GNAQ: variants seen among roughly 807,000 people sequenced by gnomAD.
GNAQ encodes the protein guanine nucleotide-binding protein G(q) subunit alpha.
GNAQ carries 8 observed loss-of-function variants against 43.9 expected under a neutral mutation model. The ratio of observed to expected loss-of-function variants is 0.18; its 90% CI spans 0.11 to 0.33. GNAQ has a LOEUF of 0.33. Among genes scored for constraint, GNAQ ranks in the 10% least tolerant of loss-of-function variants. The pLI is 1.00. For missense variants in GNAQ, 158 were observed against 450.8 expected (o/e 0.35, Z 5.88); for synonymous variants, 155 against 170.7 (o/e 0.91, Z 0.71).
At chr9:77,756,633 C>T (rs1264902298) in intron 5 of GNAQ, among the ~76,000 whole-genome samples, 1 of 152,242 alleles carries the variant, frequency 6.6e-6, no homozygotes, top group African/African-American at 2.4e-5. Flanking sequence ...AGTTGCTCTA[C>T]TGAACTGGAT....
At chr9:77,841,484 G>C (rs1214337642) in intron 2 of GNAQ, among the ~76,000 whole-genome samples, 2 of 152,022 alleles carry the variant, frequency 1.3e-5, no homozygotes, top group Non-Finnish European at 2.9e-5. Context: ...ACAATAAATT[G>C]GACAAAATCA....
intron 2 of GNAQ, among the ~76,000 whole-genome samples, chr9:77,921,227 T>A (rs778365965): frequency 1.3e-5 from 2 of 152,208 alleles, no homozygotes; most frequent in Non-Finnish European, 2.9e-5. Flanking sequence ...GGCAACGAAG[T>A]CTTTTGAAGA....
intron 5 of GNAQ, among the ~76,000 whole-genome samples, chr9:77,771,522 G>C (rs770236836): frequency 5.9e-5 from 9 of 151,486 alleles, no homozygotes; most frequent in Non-Finnish European, 1.2e-4. Context: ...CACGTGCTCT[G>C]TGAGCACAGG....
At chr9:77,935,418 T>C (rs1034421020) in intron 1 of GNAQ, among the ~76,000 whole-genome samples, 3 of 152,190 alleles carry the variant, frequency 2.0e-5, no homozygotes, top group East Asian at 1.9e-4. Context: ...AGGAAATCAG[T>C]TGGGTTCTCA....
At chr9:77,757,200 C>G (rs1214793851) in intron 5 of GNAQ, among the ~76,000 whole-genome samples, 1 of 152,134 alleles carries the variant, frequency 6.6e-6, no homozygotes. Flanking sequence ...TGCTGAAAAT[C>G]TGTTATAACT....
intron 1 of GNAQ, among the ~76,000 whole-genome samples, chr9:77,954,584 T>G (rs1823020115): frequency 6.6e-6 from 1 of 152,172 alleles, no homozygotes; most frequent in Non-Finnish European, 1.5e-5. Flanking sequence ...TCCTAATTAA[T>G]TCAGATCAGC....
chr9:77,756,092 T>A (rs768134526), intron 5 of GNAQ, among the ~76,000 whole-genome samples: 2 of 152,232 alleles, frequency 1.3e-5, no homozygotes, highest in Non-Finnish European at 2.9e-5. Flanking sequence ...TCTCCTGTGC[T>A]GGATGCTTCC....
At chr9:77,993,175 G>A (rs1384390737) in intron 1 of GNAQ, among the ~76,000 whole-genome samples, 1 of 152,022 alleles carries the variant, frequency 6.6e-6, no homozygotes, top group African/African-American at 2.4e-5. Flanking sequence ...AGGCTCTAAA[G>A]GTCTAAACCA....
intron 1 of GNAQ, among the ~76,000 whole-genome samples, chr9:78,018,526 T>C (rs1026432407): frequency 6.6e-6 from 1 of 152,188 alleles, no homozygotes. Context: ...AATAACAGAA[T>C]GTGGGTTGTC....
chr9:77,876,847 T>A (rs2118048606), intron 2 of GNAQ, among the ~76,000 whole-genome samples: 1 of 152,342 alleles, frequency 6.6e-6, no homozygotes, highest in African/African-American at 2.4e-5. Context: ...TGTAGGAGTG[T>A]GAGCTATCTA....
chr9:77,761,272 G>GT (rs1826010745), intron 5 of GNAQ, among the ~76,000 whole-genome samples: 1 of 138,400 alleles, frequency 7.2e-6, no homozygotes, highest in Non-Finnish European at 1.6e-5. Context: ...CGGGAGGGAG[G>GT]TGGGGGGGTC....
intron 2 of GNAQ, among the ~76,000 whole-genome samples, chr9:77,919,929 C>A (rs1005350574): frequency 5.9e-5 from 9 of 152,068 alleles, no homozygotes; most frequent in African/African-American, 2.2e-4. Flanking sequence ...ATCATGAAAT[C>A]AAGAGATCAA....
At chr9:78,013,420 G>C (rs1054941899) in intron 1 of GNAQ, among the ~76,000 whole-genome samples, 1 of 150,960 alleles carries the variant, frequency 6.6e-6, no homozygotes, top group Non-Finnish European at 1.5e-5. Context: ...CCATTAACTC[G>C]TTATTTAACA....
chr9:77,822,594 C>T lies in GNAQ; in HGVS notation c.322-6824G>A, dbSNP rs567906843. On this transcript the variant is annotated intron_variant, in intron 2 of 6. Coordinates refer to ENST00000286548, the MANE Select transcript of GNAQ (RefSeq NM_002072.5). ...GTTCAGTTGGTAGAATTCAGACAGG[C>T]GAAAAAATAAAAAGAACAAGCTTTT... 4.9e-4 allele frequency among the ~76,000 whole-genome samples: 68 copies of T among 138,526 alleles called. 1 individual carries two copies. Among genetic ancestry groups the T allele is most frequent in the African/African-American group, 1.5e-3 (55 of 36,796 alleles). The allele number at this position is 138,526 out of a possible 152,430, so 90.9% of individuals were successfully genotyped here.
At chr9:77,853,119 G>A (rs577497405) in intron 2 of GNAQ, among the ~76,000 whole-genome samples, 45 of 152,238 alleles carry the variant, frequency 3.0e-4, no homozygotes, top group African/African-American at 9.6e-4. Flanking sequence ...CTATGATAAC[G>A]GGAAGAAAAT....
chr9:77,825,628 G>A (rs1378260587), intron 2 of GNAQ, among the ~76,000 whole-genome samples: 1 of 152,112 alleles, frequency 6.6e-6, no homozygotes, highest in African/African-American at 2.4e-5. Flanking sequence ...ATCTGGGAAG[G>A]GATATCAGAC....
At chr9:77,885,827 C>T (rs1828295538) in intron 2 of GNAQ, among the ~76,000 whole-genome samples, 1 of 150,010 alleles carries the variant, frequency 6.7e-6, no homozygotes, top group African/African-American at 2.4e-5. Context: ...TTATTATCAA[C>T]ATGAAAATTT....
Position 77,979,366 on chromosome 9 carries a change from A to AT in GNAQ, c.136+51733_136+51734insA, listed in dbSNP as rs1301199555. The stretch of plus-strand genomic sequence containing the variant: ...AGCGAGACTCTGTCTCAAAAAAAAA[A>AT]AAATTAAATTAAATTAAATTAAAAT... On this transcript the variant is annotated intron_variant, in intron 1 of 6. Coordinates refer to ENST00000286548, the MANE Select transcript of GNAQ (RefSeq NM_002072.5). Among the ~76,000 whole-genome samples, 1,050 of 151,666 alleles carry AT rather than the reference A, an allele frequency of 6.9e-3. 20 individuals are homozygous for AT. Among genetic ancestry groups the AT allele is most frequent in the African/African-American group, 0.024 (975 of 41,372 alleles).
At chr9:77,802,336 G>C (rs1476881581) in intron 3 of GNAQ, among the ~76,000 whole-genome samples, 1 of 151,998 alleles carries the variant, frequency 6.6e-6, no homozygotes, top group Non-Finnish European at 1.5e-5. Context: ...ACATCTGCCA[G>C]GGAAAAAGGG....
Sources: allele counts gnomAD v4.1 joint callset (sites outside exome capture counted in the v4.1 genomes callset), GRCh38; gene constraint gnomAD v4.1.1; transcripts MANE v1.5; gene names NCBI Gene and HGNC (gene_info 2026-07-23, HGNC 2026-07-21).